CPAP: variants seen among roughly 807,000 people sequenced by gnomAD.
CPAP encodes centrosome assembly and centriole elongation protein, also known as centrosomal P4.1-associated protein.
At chr13:24,905,606 A>G in the CPAP span, 1 of 1,614,164 alleles carries the variant, frequency 6.2e-7, no homozygotes, top group South Asian at 1.1e-5. Flanking sequence ...CCCAAGAACA[A>G]CATCATGGTT....
the CPAP span, among the ~76,000 whole-genome samples, chr13:24,894,009 C>G: frequency 6.6e-6 from 1 of 151,908 alleles, no homozygotes; most frequent in African/African-American, 2.4e-5. Flanking sequence ...CAGGATGACA[C>G]GTGCTGGGTG....
At chr13:24,923,891 C>T in the CPAP span, among the ~76,000 whole-genome samples, 5 of 152,024 alleles carry the variant, frequency 3.3e-5, no homozygotes, top group African/African-American at 9.7e-5. Flanking sequence ...TACAATGGCG[C>T]GATCTCCGCT....
chr13:24,895,797 G>C, the CPAP span, among the ~76,000 whole-genome samples: 1 of 152,196 alleles, frequency 6.6e-6, no homozygotes, highest in African/African-American at 2.4e-5. Context: ...ACCTGAGTGT[G>C]TGAAAAGCTA....
chr13:24,933,013 G>C, the CPAP span: 1 of 1,581,742 alleles, frequency 6.3e-7, no homozygotes, highest in Non-Finnish European at 8.7e-7. Context: ...GATGGTGATG[G>C]GAATCTTTGC....
At chr13:24,933,217 C>G in the CPAP span, 1 of 1,033,522 alleles carries the variant, frequency 9.7e-7, no homozygotes, top group Non-Finnish European at 1.5e-6. Flanking sequence ...GAAGAGGAAA[C>G]AGAGATTAGC....
At chr13:24,911,820 A>C in the CPAP span, 3 of 1,157,574 alleles carry the variant, frequency 2.6e-6, no homozygotes, top group Non-Finnish European at 3.9e-6. Context: ...TTTCACATTT[A>C]TCGGGCTAGC....
chr13:24,920,448 C>T, the CPAP span, among the ~76,000 whole-genome samples: 1 of 152,246 alleles, frequency 6.6e-6, no homozygotes, highest in East Asian at 1.9e-4. Flanking sequence ...AAGATGATTG[C>T]CTGCCAACCA....
chr13:24,896,425 GCTA>G, the CPAP span, among the ~76,000 whole-genome samples: 1 of 152,212 alleles, frequency 6.6e-6, no homozygotes, highest in Non-Finnish European at 1.5e-5. Flanking sequence ...GCCACAGGTG[GCTA>G]CTACTAAGTC....
At chr13:24,910,570 A>AT in the CPAP span, among the ~76,000 whole-genome samples, 3 of 152,216 alleles carry the variant, frequency 2.0e-5, no homozygotes, top group African/African-American at 7.2e-5. Flanking sequence ...TACAGCCCAT[A>AT]TAACAAAAGT....
At chr13:24,906,955 T>C in the CPAP span, 4 of 1,613,338 alleles carry the variant, frequency 2.5e-6, no homozygotes, top group Non-Finnish European at 3.4e-6. Context: ...ATGGTCCTTC[T>C]GCTTCCTAAA....
At chr13:24,905,056 ACAC>A in the CPAP span, among the ~76,000 whole-genome samples, 1 of 152,218 alleles carries the variant, frequency 6.6e-6, no homozygotes, top group Admixed American at 6.5e-5. Flanking sequence ...TCTTTAGAAT[ACAC>A]AAACGAAATG....
chr13:24,892,755 TTCTC>T, the CPAP span: 15 of 1,614,042 alleles, frequency 9.3e-6, no homozygotes, highest in Non-Finnish European at 1.1e-5. Flanking sequence ...GAGGTCTGTG[TTCTC>T]TCTGACTAAC....
chr13:24,921,239 C>T, the CPAP span, among the ~76,000 whole-genome samples: 1 of 152,200 alleles, frequency 6.6e-6, no homozygotes, highest in African/African-American at 2.4e-5. Flanking sequence ...ATTTTGCCCT[C>T]CACCATGGCC....
the CPAP span, chr13:24,910,048 TGTGCTTCTG>T: frequency 8.7e-6 from 14 of 1,613,496 alleles, 1 homozygote; most frequent in Admixed American, 3.3e-5. Context: ...CCTGGAGACC[TGTGCTTCTG>T]GCTCTGATCA....
the CPAP span, chr13:24,906,164 G>T: frequency 6.2e-7 from 1 of 1,613,786 alleles, no homozygotes. Flanking sequence ...TGCCGGATTT[G>T]TCTTCTGTGG....
chr13:24,929,501 G>A, the CPAP span, among the ~76,000 whole-genome samples: 6 of 152,186 alleles, frequency 3.9e-5, no homozygotes, highest in South Asian at 6.2e-4. Context: ...CTTATGGAAG[G>A]TCCTTTGTAT....
the CPAP span, among the ~76,000 whole-genome samples, chr13:24,900,591 G>A: frequency 3.3e-5 from 5 of 152,096 alleles, no homozygotes; most frequent in African/African-American, 4.8e-5. Flanking sequence ...GCAGTGAGCC[G>A]AGATCGCACC....
chr13:24,883,496 T>A, the CPAP span: 1 of 684,676 alleles, frequency 1.5e-6, no homozygotes, highest in Non-Finnish European at 2.4e-6. Flanking sequence ...TGGTTATCCC[T>A]ATACAATTGT....
chr13:24,915,606 C>T, the CPAP span, among the ~76,000 whole-genome samples: 11 of 152,162 alleles, frequency 7.2e-5, no homozygotes, highest in African/African-American at 2.7e-4. Context: ...GAGTTCGAGA[C>T]CAGTCTGGCC....
Sources: gnomAD v4.1 joint callset for allele counts (sites outside exome capture counted in the v4.1 genomes callset) on GRCh38, gnomAD v4.1.1 for gene constraint, MANE v1.5 for transcripts, NCBI Gene and HGNC (gene_info 2026-07-23, HGNC 2026-07-21) for gene names.